BCHE: variants seen among roughly 807,000 people sequenced by gnomAD.
The protein encoded by BCHE is butyrylcholinesterase.
In BCHE, 48 loss-of-function variants were observed where a neutral mutation model predicts 51.3. That is an observed-to-expected ratio of 0.94 (90% CI 0.74 to 1.19). The LOEUF (loss-of-function observed/expected upper bound fraction) is 1.19. Among genes scored for constraint, BCHE ranks in the 50% most tolerant of loss-of-function variants. BCHE has a pLI of 0.00. For missense variants in BCHE, 847 were observed against 708.2 expected, an observed-to-expected ratio of 1.20 and a Z score of -2.23; for synonymous variants, 251 against 238.0, an observed-to-expected ratio of 1.05 and a Z score of -0.50.
At chr3:165,778,764 C>CA in intron 3 of BCHE, 2 of 415,756 alleles carry the variant, frequency 4.8e-6, no homozygotes, top group Non-Finnish European at 1.0e-5. Flanking sequence ...AATTAGTTGA[C>CA]AAAAAAGACT....
chr3:165,819,535 G>A (rs1424863967), intron 2 of BCHE, among the ~76,000 whole-genome samples: 1 of 151,994 alleles, frequency 6.6e-6, no homozygotes, highest in Non-Finnish European at 1.5e-5. Context: ...GCATTTACCA[G>A]TAAGTGACAC....
rs1168877204 is a variant in BCHE, at chr3:165,782,841, A to T, written c.1684+3304T>A. 3.3e-5 allele frequency among the ~76,000 whole-genome samples: 5 copies of T among 152,098 alleles called. No individual in the cohort carries two copies. In the East Asian group the frequency reaches 9.6e-4, roughly 29 times the overall value. ...TCATTGCTATGTTCTCACATGGAAG[A>T]ATGGGGGAGTTCCCTCAGGATTTTT... On this transcript the variant is annotated intron_variant, in intron 3 of 3. Coordinates refer to ENST00000264381, the MANE Select transcript of BCHE (RefSeq NM_000055.4).
At chr3:165,776,342 G>A (rs1712470415) in intron 3 of BCHE, among the ~76,000 whole-genome samples, 1 of 151,844 alleles carries the variant, frequency 6.6e-6, no homozygotes, top group Admixed American at 6.6e-5. Flanking sequence ...TATATATTTT[G>A]TATGAATTCA....
chr3:165,806,368 G>C lies in BCHE; in HGVS notation c.1518-20057C>G, dbSNP rs529663561. On this transcript the variant is annotated intron_variant, in intron 2 of 3. Transcript: ENST00000264381. ...TTCTATAAGCTTCTAAGACTGGACTGAGTTTCTCCTATGTTGTATTTCCCA... is the reference window on the plus strand; with the variant it reads ...TTCTATAAGCTTCTAAGACTGGACTCAGTTTCTCCTATGTTGTATTTCCCA... 1.4e-4 allele frequency among the ~76,000 whole-genome samples: 22 copies of C among 152,276 alleles called. 1 individual carries two copies. The South Asian group carries it at 4.6e-3, about 32-fold the overall frequency.
At chr3:165,829,453 C>A in intron 2 of BCHE, 64 bp downstream of exon 2, 1 of 1,392,748 alleles carries the variant, frequency 7.2e-7, no homozygotes, top group Non-Finnish European at 1.0e-6. Context: ...CCCCAGAGAC[C>A]AAGCAAAGCT....
At chr3:165,786,341 A>G in intron 2 of BCHE, 30 bp from the exon 3 acceptor site, 1 of 1,566,566 alleles carries the variant, frequency 6.4e-7, no homozygotes, top group Non-Finnish European at 8.7e-7. Context: ...CATTATAGTA[A>G]AATTGAAATC....
chr3:165,828,681 C>T (rs1714824705), intron 2 of BCHE, among the ~76,000 whole-genome samples: 1 of 151,564 alleles, frequency 6.6e-6, no homozygotes, highest in African/African-American at 2.4e-5. Context: ...CACATTGGTG[C>T]AATTTACTCC....
chr3:165,836,077 G>A (rs962348624), intron 1 of BCHE, among the ~76,000 whole-genome samples: 15 of 151,868 alleles, frequency 9.9e-5, no homozygotes, highest in African/African-American at 3.6e-4. Context: ...TTATAAAAAT[G>A]AAATATGGAA....
intron 2 of BCHE, among the ~76,000 whole-genome samples, chr3:165,817,940 G>A (rs1714371440): frequency 6.6e-6 from 1 of 151,984 alleles, no homozygotes. Flanking sequence ...GAAAATTGCA[G>A]CAGGTATAAT....
intron 3 of BCHE, 118 bp from the exon 4 acceptor site, chr3:165,773,624 T>A (rs1485230434): frequency 1.3e-6 from 1 of 760,206 alleles, no homozygotes; most frequent in African/African-American, 1.8e-5. Context: ...TTATTTTCTT[T>A]ATTTATTCTT....
At chr3:165,815,206 C>A in intron 2 of BCHE, among the ~76,000 whole-genome samples, 1 of 150,050 alleles carries the variant, frequency 6.7e-6, no homozygotes, top group Non-Finnish European at 1.5e-5. Context: ...TCTCAAATTT[C>A]CATAACAGCC....
At chr3:165,798,000 T>C (rs1335620880) in intron 2 of BCHE, among the ~76,000 whole-genome samples, 1 of 152,216 alleles carries the variant, frequency 6.6e-6, no homozygotes, top group East Asian at 1.9e-4. Context: ...ATTGACTTTA[T>C]ATCACTATTC....
intron 3 of BCHE, among the ~76,000 whole-genome samples, chr3:165,780,589 A>C (rs966721800): frequency 1.3e-5 from 2 of 152,198 alleles, no homozygotes; most frequent in African/African-American, 4.8e-5. Flanking sequence ...CCCCATCAAA[A>C]AGTGGGCACA....
At chr3:165,776,743 A>G (rs1239225170) in intron 3 of BCHE, among the ~76,000 whole-genome samples, 3 of 151,762 alleles carry the variant, frequency 2.0e-5, no homozygotes, top group Non-Finnish European at 4.4e-5. Context: ...ATAATATATT[A>G]TGGTTTTAAT....
intron 2 of BCHE, among the ~76,000 whole-genome samples, chr3:165,796,084 C>T (rs182971428): frequency 2.0e-5 from 3 of 151,980 alleles, no homozygotes; most frequent in East Asian, 3.9e-4. Flanking sequence ...TATTTTCATC[C>T]AGCACTAATA....
intron 2 of BCHE, among the ~76,000 whole-genome samples, chr3:165,798,112 A>C (rs1471091706): frequency 6.6e-6 from 1 of 152,204 alleles, no homozygotes; most frequent in Non-Finnish European, 1.5e-5. Flanking sequence ...ACTTGCATAG[A>C]GTCAGTGTCT....
At chr3:165,789,973 G>T (rs923631747) in intron 2 of BCHE, among the ~76,000 whole-genome samples, 1 of 152,274 alleles carries the variant, frequency 6.6e-6, no homozygotes, top group Admixed American at 6.5e-5. Context: ...ATAAAGAAAT[G>T]ATGTAATATG....
intron 2 of BCHE, among the ~76,000 whole-genome samples, chr3:165,795,594 C>T (rs1382604025): frequency 1.3e-5 from 2 of 151,996 alleles, no homozygotes; most frequent in African/African-American, 4.8e-5. Flanking sequence ...CTATTGCTAA[C>T]GGTAGAAATG....
chr3:165,785,630 G>A (rs551152351), intron 3 of BCHE, among the ~76,000 whole-genome samples: 2 of 151,260 alleles, frequency 1.3e-5, no homozygotes, highest in African/African-American at 4.9e-5. Flanking sequence ...TGTGCTCTTA[G>A]ATAAATATTT....
Sources: gnomAD v4.1 joint callset for allele counts (sites outside exome capture counted in the v4.1 genomes callset) on GRCh38, gnomAD v4.1.1 for gene constraint, MANE v1.5 for transcripts, NCBI Gene and HGNC (gene_info 2026-07-23, HGNC 2026-07-21) for gene names.